POLR3B: variants seen among roughly 807,000 people sequenced by gnomAD.
POLR3B encodes the protein RNA polymerase III subunit B.
A neutral mutation model predicts 147.4 loss-of-function variants in POLR3B; 96 were observed. The observed-to-expected ratio is 0.65, with a 90% CI of 0.55 to 0.77. POLR3B has a LOEUF of 0.77. POLR3B is among the 30% of genes least tolerant of loss of function. The pLI is 0.00. For synonymous variants in POLR3B, 461 were observed against 485.9 expected, an observed-to-expected ratio of 0.95 and a Z score of 0.67; for missense variants, 1,036 against 1,413.5, an observed-to-expected ratio of 0.73 and a Z score of 4.28.
At chr12:106,403,608 C>T (rs1348025958) in intron 10 of POLR3B, among the ~76,000 whole-genome samples, 2 of 152,084 alleles carry the variant, frequency 1.3e-5, no homozygotes, top group African/African-American at 2.4e-5. Context: ...GGCACATATA[C>T]ACCATGGAAT....
chr12:106,434,919 G>A (rs775211709), intron 16 of POLR3B, among the ~76,000 whole-genome samples: 4 of 152,050 alleles, frequency 2.6e-5, no homozygotes, highest in Non-Finnish European at 5.9e-5. Context: ...ACCCAAATGA[G>A]GTCAGTCAGA....
In POLR3B at chr12:106,359,030, C is replaced by T. The variant is rs142035247; in HGVS notation, c.72+1079C>T. Among the ~76,000 whole-genome samples, 411 of 152,190 alleles carry T rather than the reference C, an allele frequency of 2.7e-3. 2 individuals are homozygous for T. Among genetic ancestry groups the T allele is most frequent in the Admixed American group, 4.4e-3 (68 of 15,288 alleles). ...CTCAAGAGTTTGAGAACAGCTTGGGCGACATGGCAAAACCCTGTTTCTACA... is the reference window on the plus strand; with the variant it reads ...CTCAAGAGTTTGAGAACAGCTTGGGTGACATGGCAAAACCCTGTTTCTACA... On this transcript the variant is annotated intron_variant, in intron 1 of 27. Transcript: ENST00000228347.
chr12:106,376,562 A>G lies in POLR3B; in HGVS notation c.496+112A>G, dbSNP rs1017046380. 8.9e-6 allele frequency: 7 copies of G among 785,452 alleles called. No individual in the cohort carries two copies. In the Admixed American group the frequency reaches 1.2e-4, roughly 13 times the overall value. The allele number at this position is 785,452 out of a possible 1,614,324, so 48.7% of individuals were successfully genotyped here. On this transcript the variant is annotated intron_variant, in intron 7 of 27. Coordinates refer to ENST00000228347, the MANE Select transcript of POLR3B (RefSeq NM_018082.6). ...GTACCAGCTTTTCTACTTTATAATG[A>G]ACTTGTTCACAAAACACCCAGAAAT... is the stretch of plus-strand genomic sequence containing the variant.
chr12:106,427,037 T>C (rs541630298), intron 12 of POLR3B, among the ~76,000 whole-genome samples, 160 bp from the exon 13 acceptor site: 48 of 152,152 alleles, frequency 3.2e-4, no homozygotes, highest in Non-Finnish European at 5.7e-4. Context: ...TAGAAAATTA[T>C]GTACATATCT....
chr12:106,495,371 G>A (rs2038463437), intron 23 of POLR3B, among the ~76,000 whole-genome samples: 1 of 151,814 alleles, frequency 6.6e-6, no homozygotes, highest in Non-Finnish European at 1.5e-5. Flanking sequence ...GAACGATTTG[G>A]TATTCAATTT....
chr12:106,372,006 T>A (rs2036614475), intron 6 of POLR3B, among the ~76,000 whole-genome samples: 1 of 152,198 alleles, frequency 6.6e-6, no homozygotes, highest in Non-Finnish European at 1.5e-5. Context: ...ACCTGCTATG[T>A]GCCATACTAT....
chr12:106,450,316 T>G (rs968766857), intron 19 of POLR3B, among the ~76,000 whole-genome samples: 1 of 152,114 alleles, frequency 6.6e-6, no homozygotes, highest in Non-Finnish European at 1.5e-5. Flanking sequence ...ATAGCTTGAG[T>G]TGAGCTAAGA....
At position 106,384,830 on chromosome 12, in the gene POLR3B, C is replaced by CT. The variant is rs576719116; in HGVS notation, c.723+4706dup. 2.7e-3 allele frequency among the ~76,000 whole-genome samples: 386 copies of CT among 140,680 alleles called. 2 individuals carry two copies. The highest frequency in any genetic ancestry group is 6.2e-3 in the South Asian group (27 of 4,386). 92.3% of individuals were successfully genotyped at this position (140,680 alleles called of 152,430 possible). A position where few individuals can be genotyped will look rare whatever the true frequency, so the allele number is the denominator to read the frequency against. On this transcript the variant is annotated intron_variant, in intron 9 of 27. Transcript: ENST00000228347. ...TAACTAATCGATATATATTAAATGT[C>CT]TTTTTTTTTTTTTTTGAGATGGCGT... is the stretch of plus-strand genomic sequence containing the variant.
intron 13 of POLR3B, among the ~76,000 whole-genome samples, chr12:106,427,917 G>A (rs1409959118): frequency 2.0e-5 from 3 of 152,176 alleles, no homozygotes; most frequent in Non-Finnish European, 2.9e-5. Flanking sequence ...AGGTCTATCT[G>A]ATGAAGTCTG....
intron 23 of POLR3B, among the ~76,000 whole-genome samples, chr12:106,484,130 G>C (rs2038306467): frequency 6.6e-6 from 1 of 152,070 alleles, no homozygotes; most frequent in South Asian, 2.1e-4. Context: ...AGGCTTAGAG[G>C]GCTTTGATAA....
rs1194716090 is a variant in POLR3B at position 106,423,856 on chromosome 12, CT to C, written c.1102-3328del. ...ATTAACTCACATATCCTTATGGTGT[CT>C]TTTTTTTTTTTTCCTCGGGACAAGA... On this transcript the variant is annotated intron_variant, in intron 12 of 27. Coordinates refer to ENST00000228347, the MANE Select transcript of POLR3B (RefSeq NM_018082.6). Among the ~76,000 whole-genome samples the C allele has an allele frequency of 6.3e-3, 913 of 144,534 alleles. 7 individuals are homozygous for C. The highest frequency in any genetic ancestry group is 7.5e-3 in the Non-Finnish European group (493 of 65,466). The allele number at this position is 144,534 out of a possible 152,430, so 94.8% of individuals were successfully genotyped here. A position where few individuals can be genotyped will look rare whatever the true frequency, so the allele number is the denominator to read the frequency against.
At chr12:106,388,541 C>T (rs1213540761) in intron 9 of POLR3B, among the ~76,000 whole-genome samples, 2 of 152,174 alleles carry the variant, frequency 1.3e-5, no homozygotes, top group East Asian at 1.9e-4. Context: ...TGGTCTTGAT[C>T]TCCTGACCTG....
At chr12:106,377,656 A>G (rs1329987530) in intron 7 of POLR3B, among the ~76,000 whole-genome samples, 2 of 152,228 alleles carry the variant, frequency 1.3e-5, no homozygotes, top group South Asian at 2.1e-4. Context: ...TCTGACAACT[A>G]ATTTATTTAA....
intron 23 of POLR3B, among the ~76,000 whole-genome samples, chr12:106,471,531 C>T (rs770858060): frequency 1.3e-5 from 2 of 152,036 alleles, no homozygotes; most frequent in Non-Finnish European, 2.9e-5. Flanking sequence ...ATGCAGAAAT[C>T]CCCTGTCTTC....
At chr12:106,475,801 G>A (rs1452266867) in intron 23 of POLR3B, among the ~76,000 whole-genome samples, 12 of 149,772 alleles carry the variant, frequency 8.0e-5, no homozygotes, top group Non-Finnish European at 1.5e-4. Flanking sequence ...GCACACTGAT[G>A]GGTCTTGACT....
intron 12 of POLR3B, among the ~76,000 whole-genome samples, chr12:106,426,258 G>GTGTGTGTT (rs993719075): frequency 1.3e-5 from 2 of 151,080 alleles, no homozygotes; most frequent in African/African-American, 4.9e-5. Flanking sequence ...GTGTGTGTGT[G>GTGTGTGTT]TGTGTGTGTT....
rs2037878037 is a variant in POLR3B, at chr12:106,457,305, C to T, written c.2452+9C>T. ...TGGTATTTGTTCTCCAGGTAAAAGC[C>T]TTTTAAAAGAAAAAATTTTAATACT... On this transcript the variant is annotated intron_variant, in intron 21 of 27. Transcript: ENST00000228347. 1.9e-6 allele frequency: 3 copies of T among 1,607,990 alleles called. No individual in the cohort carries two copies. The highest frequency in any genetic ancestry group is 2.2e-5 in the South Asian group (2 of 90,872).
chr12:106,360,366 C>T (rs572465566), intron 1 of POLR3B, among the ~76,000 whole-genome samples: 2 of 152,266 alleles, frequency 1.3e-5, no homozygotes, highest in Non-Finnish European at 2.9e-5. Context: ...ATGGTTCCCC[C>T]CTCTCCCTCC....
chr12:106,446,535 A>G (rs1275730778), intron 19 of POLR3B, among the ~76,000 whole-genome samples: 1 of 151,902 alleles, frequency 6.6e-6, no homozygotes, highest in East Asian at 1.9e-4. Flanking sequence ...AAGCCAGTTC[A>G]GTGTCTGTAG....
Sources: gnomAD v4.1 joint callset for allele counts (sites outside exome capture counted in the v4.1 genomes callset) on GRCh38, gnomAD v4.1.1 for gene constraint, MANE v1.5 for transcripts, NCBI Gene and HGNC (gene_info 2026-07-23, HGNC 2026-07-21) for gene names.